Variants in FXR1 observed in about 807,000 individuals in gnomAD.
The protein encoded by FXR1 is RNA-binding protein FXR1.
FXR1 carries 15 observed loss-of-function variants against 84.0 expected under a neutral mutation model. The ratio of observed to expected loss-of-function variants is 0.18; its 90% CI spans 0.12 to 0.27. The LOEUF (loss-of-function observed/expected upper bound fraction) is 0.27, where lower values mean the gene tolerates loss of function less well. Among genes scored for constraint, FXR1 ranks in the 10% least tolerant of loss-of-function variants. The probability of loss-of-function intolerance (pLI) is 1.00; values close to 1 mark genes in which losing one functional copy is unlikely to be tolerated. For missense variants in FXR1, 480 were observed against 774.4 expected (o/e 0.62, Z 4.51); for synonymous variants, 245 against 250.7 (o/e 0.98, Z 0.21).
intron 1 of FXR1, 95 bp downstream of exon 1, chr3:180,912,831 A>T: frequency 6.2e-7 from 1 of 1,601,414 alleles, no homozygotes; most frequent in African/African-American, 1.3e-5. Context: ...TTGGGGTCGG[A>T]AAGGCAGCCA....
chr3:180,915,166 T>A (rs1717732623), intron 1 of FXR1, among the ~76,000 whole-genome samples: 1 of 152,222 alleles, frequency 6.6e-6, no homozygotes, highest in Non-Finnish European at 1.5e-5. Flanking sequence ...TTTTATTCAT[T>A]AGAATGTAAA....
At chr3:180,926,168 G>A (rs1013440471) in intron 1 of FXR1, among the ~76,000 whole-genome samples, 2 of 151,930 alleles carry the variant, frequency 1.3e-5, no homozygotes, top group Non-Finnish European at 2.9e-5. Context: ...AATCTAGAGA[G>A]AAAAATAAAA....
At chr3:180,940,724 G>C (rs1408771628) in intron 3 of FXR1, among the ~76,000 whole-genome samples, 3 of 151,984 alleles carry the variant, frequency 2.0e-5, no homozygotes, top group Non-Finnish European at 4.4e-5. Context: ...TTACAGGCAT[G>C]TGCCACCACA....
At chr3:180,939,710 A>G (rs1720920909) in intron 3 of FXR1, among the ~76,000 whole-genome samples, 1 of 152,206 alleles carries the variant, frequency 6.6e-6, no homozygotes, top group African/African-American at 2.4e-5. Flanking sequence ...GAGGTTGGGA[A>G]GCTGATAACC....
intron 3 of FXR1, among the ~76,000 whole-genome samples, chr3:180,942,703 C>T (rs1721267084): frequency 6.6e-6 from 1 of 152,090 alleles, no homozygotes; most frequent in Admixed American, 6.5e-5. Flanking sequence ...TATGTTAGAG[C>T]AGTGTGTGGG....
chr3:180,976,134 A>T lies in FXR1; in HGVS notation c.1708A>T (p.Ile570Phe). Reference sequence around the variant, plus strand: ...CTCCCTTTGGCAGGCAAAAGATGTGATTGAAGAGCATGGTCCTTCAGAAAA... The same window carrying T: ...CTCCCTTTGGCAGGCAAAAGATGTGTTTGAAGAGCATGGTCCTTCAGAAAA... The part of the protein sequence containing the change: ...KNKKEMAKDV[I>F]EEHGPSEKAI... Residue 570 changes from isoleucine to phenylalanine, a missense_variant, in exon 17 of 17, where the codon ATT becomes TTT. Physicochemically the swap from Ile to Phe is conservative, Grantham distance 21. This residue lies in a region of FXR1 where 94 missense variants were observed against 81.8 expected (regional missense o/e 1.15). Coordinates refer to ENST00000357559, the MANE Select transcript of FXR1 (RefSeq NM_005087.4). 1 of 1,607,516 alleles carries T rather than the reference A, an allele frequency of 6.2e-7. No individual in the cohort carries two copies. Among genetic ancestry groups the T allele is most frequent in the Non-Finnish European group, 8.5e-7 (1 of 1,177,898 alleles).
At chr3:180,949,410 A>G (rs1413760296) in intron 7 of FXR1, 67 bp downstream of exon 7, 7 of 831,608 alleles carry the variant, frequency 8.4e-6, no homozygotes, top group Non-Finnish European at 1.5e-5. Flanking sequence ...TTTTGGAGAC[A>G]GATTCTGGCT....
At chr3:180,963,233 A>G (rs1560016470) in intron 13 of FXR1, 143 bp downstream of exon 13, 2 of 575,218 alleles carry the variant, frequency 3.5e-6, no homozygotes, top group East Asian at 2.8e-5. Context: ...GGTTTAGTAC[A>G]CGTCTTAATA....
At chr3:180,973,755 T>C (rs1713877392) in intron 15 of FXR1, among the ~76,000 whole-genome samples, 1 of 152,258 alleles carries the variant, frequency 6.6e-6, no homozygotes. Context: ...ATGATGTATG[T>C]AAGTTCTGAA....
chr3:180,917,397 G>GA (rs1718023738), intron 1 of FXR1, among the ~76,000 whole-genome samples: 1 of 151,994 alleles, frequency 6.6e-6, no homozygotes, highest in Non-Finnish European at 1.5e-5. Context: ...ATTTGTAATT[G>GA]AAAAAACGAT....
chr3:180,961,607 A>C, intron 11 of FXR1, 53 bp downstream of exon 11: 1 of 824,860 alleles, frequency 1.2e-6, no homozygotes, highest in Non-Finnish European at 2.1e-6. Flanking sequence ...TTTACTACAT[A>C]AATGTTGTAC....
At chr3:180,946,762 C>CT (rs1311869402) in intron 3 of FXR1, among the ~76,000 whole-genome samples, 1 of 152,108 alleles carries the variant, frequency 6.6e-6, no homozygotes, top group Non-Finnish European at 1.5e-5. Context: ...TTCTAAAAGT[C>CT]TTTGTTTTTA....
At chr3:180,972,594 C>G (rs1713719756) in intron 15 of FXR1, among the ~76,000 whole-genome samples, 1 of 152,164 alleles carries the variant, frequency 6.6e-6, no homozygotes. Flanking sequence ...CATTTATTAA[C>G]TAGATGTATG....
chr3:180,932,024 C>CTTTGT (rs960469351), intron 1 of FXR1, among the ~76,000 whole-genome samples: 2 of 88,330 alleles, frequency 2.3e-5, no homozygotes, highest in African/African-American at 8.6e-5. Flanking sequence ...CCTGGGCTTG[C>CTTTGT]TTTGTTTTTT....
chr3:180,913,117 A>C (rs1028776968), intron 1 of FXR1, among the ~76,000 whole-genome samples: 44 of 150,252 alleles, frequency 2.9e-4, no homozygotes, highest in Non-Finnish European at 5.9e-4. Context: ...GTGTGGTCTC[A>C]CCCGCTCCCC....
At chr3:180,920,562 A>G (rs1339937781) in intron 1 of FXR1, among the ~76,000 whole-genome samples, 2 of 143,002 alleles carry the variant, frequency 1.4e-5, no homozygotes, top group African/African-American at 5.3e-5. Flanking sequence ...CCCAGGTTGG[A>G]GTGCAGTGGC....
rs1349816270 is a variant in FXR1 at position 180,948,805 on chromosome 3, A to G, written c.504A>G (p.Leu168=). ...RIFYHPETTQ[L]MILSASEATV... is the part of the protein sequence containing the mutation. ...TTTACCATCCAGAAACAACACAGCT[A>G]ATGATACTGGTAAGATAGTACCATA... Residue 168 remains leucine (L), a synonymous_variant, in exon 6 of 17, where the codon CTA becomes CTG. Coordinates refer to ENST00000357559, the MANE Select transcript of FXR1 (RefSeq NM_005087.4). The G allele has an allele frequency of 8.6e-6, 12 of 1,398,084 alleles. No individual in the cohort carries two copies. The African/African-American group carries it at 1.7e-4, about 20-fold the overall frequency. 86.6% of individuals were successfully genotyped at this position (1,398,084 alleles called of 1,614,324 possible). A position where few individuals can be genotyped will look rare whatever the true frequency, so the allele number is the denominator to read the frequency against.
At chr3:180,937,462 G>A (rs1024684769) in intron 3 of FXR1, among the ~76,000 whole-genome samples, 1 of 152,066 alleles carries the variant, frequency 6.6e-6, no homozygotes, top group Non-Finnish European at 1.5e-5. Flanking sequence ...CCGCTTTTGT[G>A]AAGAAGACAT....
In FXR1 at chr3:180,968,169, G is replaced by A; in HGVS notation, c.1317G>A (p.Arg439=). 1 of 1,613,954 alleles carries A rather than the reference G, an allele frequency of 6.2e-7. No individual in the cohort carries two copies. The highest frequency in any genetic ancestry group is 1.3e-5 in the African/African-American group (1 of 75,046). ...DRDSRHQRDS[R]RRPGGRGRSV... ...ACAGCCGACATCAGCGTGACAGCAG[G>A]AGACGCCCAGGAGGAAGAGGCAGAA... The change falls in exon 14 of 17, where the codon AGG becomes AGA. Residue 439 remains arginine (R), a synonymous_variant. Transcript: ENST00000357559.
Sources: gnomAD v4.1 joint callset for allele counts (sites outside exome capture counted in the v4.1 genomes callset) on GRCh38, gnomAD v4.1.1 for gene constraint, gnomAD v4.1.1 regional missense constraint, MANE v1.5 for transcripts, NCBI Gene and HGNC (gene_info 2026-07-23, HGNC 2026-07-21) for gene names.